Variants in SLIT2 observed in about 807,000 individuals in gnomAD.
SLIT2 encodes slit guidance ligand 2.
In SLIT2, 41 loss-of-function variants were observed where a neutral mutation model predicts 185.7. The observed-to-expected ratio is 0.22, with a 90% CI of 0.17 to 0.29. The LOEUF is 0.29. Among genes scored for constraint, SLIT2 ranks in the 10% least tolerant of loss-of-function variants. The pLI is 1.00. For synonymous variants in SLIT2, 693 were observed against 680.2 expected, an observed-to-expected ratio of 1.02 and a Z score of -0.29; for missense variants, 1,571 against 1,909.0, an observed-to-expected ratio of 0.82 and a Z score of 3.30.
intron 4 of SLIT2, among the ~76,000 whole-genome samples, chr4:20,427,991 A>T (rs935847234): frequency 6.6e-6 from 1 of 152,194 alleles, no homozygotes; most frequent in Non-Finnish European, 1.5e-5. Context: ...CTTCTCACTC[A>T]TCTCATCCAC....
At chr4:20,603,368 A>G (rs1282456437) in intron 33 of SLIT2, among the ~76,000 whole-genome samples, 1 of 152,192 alleles carries the variant, frequency 6.6e-6, no homozygotes, top group African/African-American at 2.4e-5. Context: ...GAGCCAAACC[A>G]TATCAGTAAT....
intron 26 of SLIT2, among the ~76,000 whole-genome samples, chr4:20,556,460 GA>G (rs1382687360): frequency 1.3e-5 from 2 of 151,504 alleles, no homozygotes; most frequent in Admixed American, 6.6e-5. Flanking sequence ...GGTATTTCTT[GA>G]AAAAAAATTA....
At chr4:20,363,027 G>A (rs531134257) in intron 4 of SLIT2, among the ~76,000 whole-genome samples, 77 of 152,098 alleles carry the variant, frequency 5.1e-4, no homozygotes, top group African/African-American at 1.6e-3. Flanking sequence ...AAGAGCACTC[G>A]TGGCTTATTG....
In SLIT2 at chr4:20,422,944, G is replaced by T. The variant is rs977630501; in HGVS notation, c.396-44808G>T. ...TATTTAAAATTGCTTATTGTGGTGG[G>T]GGGTGGGAGGAGGTGGTTAGAAAAT... On this transcript the variant is annotated intron_variant, in intron 4 of 36. Transcript: ENST00000504154. 3.3e-5 allele frequency among the ~76,000 whole-genome samples: 5 copies of T among 152,094 alleles called. No individual in the cohort carries two copies. The Middle Eastern group carries it at 0.01, about 310-fold the overall frequency.
intron 4 of SLIT2, among the ~76,000 whole-genome samples, chr4:20,448,304 G>A (rs1392662591): frequency 6.6e-6 from 1 of 151,866 alleles, no homozygotes; most frequent in Admixed American, 6.6e-5. Context: ...TATTATTTAT[G>A]AGTTTATTTT....
rs533076144 is a variant in SLIT2 at position 20,380,641 on chromosome 4, T to G, written c.396-87111T>G. On this transcript the variant is annotated intron_variant, in intron 4 of 36. Transcript: ENST00000504154. ...AAATATATAAAAATTAAAAATACAC[T>G]GTATGTGAGCAGTAATAGATAAACA... Among the ~76,000 whole-genome samples the G allele has an allele frequency of 5.7e-4, 87 of 151,584 alleles. No individual in the cohort carries two copies. The South Asian group carries it at 0.015, about 25-fold the overall frequency.
chr4:20,538,081 T>C (rs901080416), intron 18 of SLIT2, among the ~76,000 whole-genome samples: 1 of 152,194 alleles, frequency 6.6e-6, no homozygotes, highest in African/African-American at 2.4e-5. Flanking sequence ...TGCCTCAGCC[T>C]CCTGAGTAGC....
chr4:20,533,547 C>G, intron 17 of SLIT2, 25 bp from the exon 18 acceptor site: 1 of 1,564,526 alleles, frequency 6.4e-7, no homozygotes, highest in Non-Finnish European at 8.8e-7. Flanking sequence ...TATTTAAAAC[C>G]TTTGTTCCAA....
chr4:20,340,705 A>G (rs918071764), intron 4 of SLIT2, among the ~76,000 whole-genome samples: 9 of 152,176 alleles, frequency 5.9e-5, no homozygotes, highest in Admixed American at 5.2e-4. Context: ...GGTTCATGCC[A>G]TTCTCCTGCC....
chr4:20,361,924 A>C (rs1414949239), intron 4 of SLIT2, among the ~76,000 whole-genome samples: 1 of 152,122 alleles, frequency 6.6e-6, no homozygotes, highest in Non-Finnish European at 1.5e-5. Context: ...TAACAATCAT[A>C]TTCAGAAAGT....
At chr4:20,437,064 CATTCACTTA>C (rs1465095609) in intron 4 of SLIT2, among the ~76,000 whole-genome samples, 2 of 152,184 alleles carry the variant, frequency 1.3e-5, no homozygotes, top group African/African-American at 4.8e-5. Context: ...CATTTTGTCT[CATTCACTTA>C]GTGATCTCAT....
intron 4 of SLIT2, among the ~76,000 whole-genome samples, chr4:20,291,213 C>T (rs1715781306): frequency 6.6e-6 from 1 of 151,938 alleles, no homozygotes; most frequent in Non-Finnish European, 1.5e-5. Flanking sequence ...TGATGTTCCT[C>T]AGATATCTAA....
At chr4:20,327,320 C>T (rs1719676384) in intron 4 of SLIT2, among the ~76,000 whole-genome samples, 1 of 151,960 alleles carries the variant, frequency 6.6e-6, no homozygotes, top group Non-Finnish European at 1.5e-5. Context: ...TTCCACGAAG[C>T]TAATTTAGTT....
At chr4:20,311,236 G>A (rs930402295) in intron 4 of SLIT2, among the ~76,000 whole-genome samples, 2 of 152,220 alleles carry the variant, frequency 1.3e-5, no homozygotes, top group African/African-American at 4.8e-5. Flanking sequence ...AAAAACGTAT[G>A]TGTGGGAAAA....
rs532547979 is a variant in SLIT2, at chr4:20,408,467, A to C, written c.396-59285A>C. On this transcript the variant is annotated intron_variant, in intron 4 of 36. Coordinates refer to ENST00000504154, the MANE Select transcript of SLIT2 (RefSeq NM_004787.4). ...GAAAGCTTGAGAGTTCCTTGCCTCTACTATGCCCAGATCTCAGCCCAAAGC... is the reference window on the plus strand; with the variant it reads ...GAAAGCTTGAGAGTTCCTTGCCTCTCCTATGCCCAGATCTCAGCCCAAAGC... Among the ~76,000 whole-genome samples, 43 of 152,192 alleles carry C rather than the reference A, an allele frequency of 2.8e-4. No individual in the cohort carries two copies. In the South Asian group the frequency reaches 6.4e-3, roughly 23 times the overall value.
intron 33 of SLIT2, among the ~76,000 whole-genome samples, chr4:20,603,209 A>C (rs116707347): frequency 6.6e-6 from 1 of 152,162 alleles, no homozygotes; most frequent in Non-Finnish European, 1.5e-5. Flanking sequence ...AACTAAGCGA[A>C]AGGGGAAAAC....
intron 4 of SLIT2, among the ~76,000 whole-genome samples, chr4:20,320,438 C>T (rs1718979405): frequency 6.6e-6 from 1 of 152,134 alleles, no homozygotes; most frequent in Admixed American, 6.5e-5. Flanking sequence ...GAGCCCCAGC[C>T]TCCTTAGATG....
chr4:20,359,747 T>C (rs77379623), intron 4 of SLIT2, among the ~76,000 whole-genome samples: 4,252 of 152,194 alleles, frequency 0.028, 200 homozygotes, highest in African/African-American at 0.098. Context: ...TTTTGCTTAA[T>C]GAATGAGTAC....
intron 4 of SLIT2, among the ~76,000 whole-genome samples, chr4:20,366,234 C>A (rs1020736976): frequency 6.6e-6 from 1 of 151,926 alleles, no homozygotes; most frequent in African/African-American, 2.4e-5. Flanking sequence ...TTCTATATCC[C>A]TCTATTTTGC....
Sources: allele counts gnomAD v4.1 joint callset (sites outside exome capture counted in the v4.1 genomes callset), GRCh38; gene constraint gnomAD v4.1.1; transcripts MANE v1.5; gene names NCBI Gene and HGNC (gene_info 2026-07-23, HGNC 2026-07-21).